Variants in AGMO observed in about 807,000 individuals in gnomAD.
The protein encoded by AGMO is glyceryl-ether monooxygenase.
In AGMO, 75 loss-of-function variants were observed where a neutral mutation model predicts 60.2. That is an observed-to-expected ratio of 1.25 (90% CI 1.03 to 1.51). The LOEUF is 1.51. Ranked by LOEUF, AGMO falls within the 40% of genes most tolerant of loss-of-function variation. AGMO has a pLI of 0.00. For synonymous variants in AGMO, 261 were observed against 177.1 expected (o/e 1.47, Z -3.76); for missense variants, 763 against 525.5 (o/e 1.45, Z -4.42).
chr7:15,198,216 AGAGAG>A (rs1175283846), downstream of AGMO, among the ~76,000 whole-genome samples: 1 of 99,424 alleles, frequency 1.0e-5, no homozygotes, highest in African/African-American at 6.1e-5. Context: ...AGAGAGAGAG[AGAGAG>A]AGAGAGAGAG....
At chr7:15,329,614 C>T (rs1781442174) in intron 12 of AGMO, among the ~76,000 whole-genome samples, 1 of 152,208 alleles carries the variant, frequency 6.6e-6, no homozygotes, top group African/African-American at 2.4e-5. Context: ...ATATAGTTAA[C>T]ATTTACTGAT....
intron 12 of AGMO, among the ~76,000 whole-genome samples, chr7:15,342,216 T>C (rs1341885914): frequency 8.9e-6 from 1 of 112,240 alleles, no homozygotes; most frequent in Non-Finnish European, 1.7e-5. Flanking sequence ...CCTGAAGCAC[T>C]AAGAGACTTA....
At chr7:15,161,635 CAT>C in the AGMO span, among the ~76,000 whole-genome samples, 83,896 of 149,426 alleles carry the variant, frequency 0.56, 24,342 homozygotes, top group East Asian at 0.71. Flanking sequence ...TATATTCATA[CAT>C]ATATATATAT....
In AGMO at chr7:15,361,546, A is replaced by AAAAAAAAAAAAAAAAAAAG. The variant is rs60239009; in HGVS notation, c.1263+3967_1263+3968insCTTTTTTTTTTTTTTTTTT. Reference sequence around the variant, plus strand: ...CAGAGCGAGACTGTGTCTCAAAAAAAAAAAAAAAGGTTTTGAGATTTAGAT... The same window carrying AAAAAAAAAAAAAAAAAAAG: ...CAGAGCGAGACTGTGTCTCAAAAAAAAAAAAAAAAAAAAAAAAAGAAAAAAAAGGTTTTGAGATTTAGAT... On this transcript the variant is annotated intron_variant, in intron 12 of 12. Transcript: ENST00000342526. Among the ~76,000 whole-genome samples the AAAAAAAAAAAAAAAAAAAG allele has an allele frequency of 1.1e-3, 101 of 91,386 alleles. 9 individuals carry two copies. Among genetic ancestry groups the AAAAAAAAAAAAAAAAAAAG allele is most frequent in the East Asian group, 3.7e-3 (14 of 3,738 alleles). The allele number at this position is 91,386 out of a possible 152,430, so 60.0% of individuals were successfully genotyped here. A position where few individuals can be genotyped will look rare whatever the true frequency, so the allele number is the denominator to read the frequency against.
chr7:15,452,526 A>G (rs10244454), intron 3 of AGMO, among the ~76,000 whole-genome samples: 8,043 of 152,248 alleles, frequency 0.053, 280 homozygotes, highest in Middle Eastern at 0.11. Flanking sequence ...AATCAAAACC[A>G]CAATTACATA....
At chr7:15,333,540 C>T (rs1012288215) in intron 12 of AGMO, among the ~76,000 whole-genome samples, 5 of 146,636 alleles carry the variant, frequency 3.4e-5, no homozygotes, top group Admixed American at 6.9e-5. Context: ...ATGGCCCTGA[C>T]AAGTGCTAAT....
At chr7:15,478,018 G>A (rs551604524) in intron 3 of AGMO, among the ~76,000 whole-genome samples, 1 of 152,168 alleles carries the variant, frequency 6.6e-6, no homozygotes, top group Admixed American at 6.6e-5. Flanking sequence ...TTTCTCCTGT[G>A]TATATTGAAG....
At chr7:15,495,188 C>A (rs1279975227) in intron 3 of AGMO, among the ~76,000 whole-genome samples, 1 of 152,148 alleles carries the variant, frequency 6.6e-6, no homozygotes, top group Non-Finnish European at 1.5e-5. Flanking sequence ...CCTGGTGCTT[C>A]AAAATATTAA....
intron 3 of AGMO, among the ~76,000 whole-genome samples, chr7:15,465,672 C>T (rs1782265611): frequency 6.7e-6 from 1 of 150,340 alleles, no homozygotes; most frequent in South Asian, 2.1e-4. Context: ...TCCAAAACTC[C>T]TGGGCTCAAG....
chr7:15,278,293 T>A lies in AGMO; in HGVS notation c.1264-76934A>T, dbSNP rs114060841. 2.2e-3 allele frequency among the ~76,000 whole-genome samples: 338 copies of A among 152,192 alleles called. 1 individual carries two copies. Among genetic ancestry groups the A allele is most frequent in the African/African-American group, 7.7e-3 (320 of 41,536 alleles). On this transcript the variant is annotated intron_variant, in intron 12 of 12. Coordinates refer to ENST00000342526, the MANE Select transcript of AGMO (RefSeq NM_001004320.2). ...GTGGGTGGGCATTAGCTGAGGTGGTTGTGCCAGCAGTTTAGGTCAGCCTGA... is the reference window on the plus strand; with the variant it reads ...GTGGGTGGGCATTAGCTGAGGTGGTAGTGCCAGCAGTTTAGGTCAGCCTGA...
chr7:15,236,079 C>G (rs1461057770), intron 12 of AGMO, among the ~76,000 whole-genome samples: 1 of 152,102 alleles, frequency 6.6e-6, no homozygotes, highest in Admixed American at 6.6e-5. Flanking sequence ...ATACTGTTCT[C>G]TATTTCCTGA....
chr7:15,360,579 TGAG>T (rs576255112), intron 12 of AGMO, among the ~76,000 whole-genome samples: 4 of 152,044 alleles, frequency 2.6e-5, no homozygotes, highest in Admixed American at 1.3e-4. Context: ...TTAAGTAGTC[TGAG>T]GAGGAGGAGG....
intron 12 of AGMO, among the ~76,000 whole-genome samples, chr7:15,325,555 A>G (rs1239801305): frequency 2.0e-5 from 3 of 152,190 alleles, no homozygotes; most frequent in Admixed American, 6.5e-5. Context: ...ATGCACACAT[A>G]CAAAAGGACT....
intron 12 of AGMO, among the ~76,000 whole-genome samples, chr7:15,347,386 G>A (rs1782072351): frequency 6.6e-6 from 1 of 151,968 alleles, no homozygotes; most frequent in South Asian, 2.1e-4. Context: ...GATGAAAGCT[G>A]ACAACAGCTC....
At chr7:15,501,778 A>C (rs1783392003) in intron 3 of AGMO, among the ~76,000 whole-genome samples, 1 of 151,962 alleles carries the variant, frequency 6.6e-6, no homozygotes, top group East Asian at 1.9e-4. Context: ...AAAACAGAAA[A>C]TCTCTATGAA....
chr7:15,362,470 T>C (rs1782803805), intron 12 of AGMO, among the ~76,000 whole-genome samples: 1 of 152,198 alleles, frequency 6.6e-6, no homozygotes, highest in South Asian at 2.1e-4. Flanking sequence ...AATGGTAATA[T>C]GAACAATGAT....
chr7:15,202,480 A>AAC (rs1361578382), intron 12 of AGMO, among the ~76,000 whole-genome samples: 2 of 129,226 alleles, frequency 1.5e-5, no homozygotes, highest in African/African-American at 6.2e-5. Context: ...AAAAAAAAAA[A>AAC]AAAAAAAAAC....
chr7:15,321,119 G>A lies in AGMO; in HGVS notation c.1263+44395C>T, dbSNP rs114904417. The stretch of plus-strand genomic sequence containing the variant: ...AAAGCTCCAAAATCCCACTATTTTT[G>A]TTGCTATTGTAATTCTTAACTGAAT... On this transcript the variant is annotated intron_variant, in intron 12 of 12. Transcript: ENST00000342526. Among the ~76,000 whole-genome samples the A allele has an allele frequency of 2.3e-3, 353 of 152,106 alleles. 2 individuals carry two copies. The highest frequency in any genetic ancestry group is 7.7e-3 in the African/African-American group (320 of 41,514).
chr7:15,385,771 A>C (rs4263651), intron 9 of AGMO, among the ~76,000 whole-genome samples: 1 of 152,166 alleles, frequency 6.6e-6, no homozygotes, highest in African/African-American at 2.4e-5. Flanking sequence ...AAAGAGCAGC[A>C]TAAGAACTAA....
Sources: allele counts gnomAD v4.1 joint callset (sites outside exome capture counted in the v4.1 genomes callset), GRCh38; gene constraint gnomAD v4.1.1; transcripts MANE v1.5; gene names NCBI Gene and HGNC (gene_info 2026-07-23, HGNC 2026-07-21).